Variants in KDM1A observed in about 807,000 individuals in gnomAD.
The protein encoded by KDM1A is lysine demethylase 1A.
KDM1A carries 49 observed loss-of-function variants against 109.4 expected under a neutral mutation model. The ratio of observed to expected loss-of-function variants is 0.45; its 90% confidence interval spans 0.36 to 0.57. The LOEUF is 0.57. Among genes scored for constraint, KDM1A ranks in the 20% least tolerant of loss-of-function variants. The pLI is 0.00. For missense variants in KDM1A, 668 were observed against 1,116.6 expected (o/e 0.60, Z 5.73); for synonymous variants, 380 against 415.4 (o/e 0.91, Z 1.04).
At chr1:23,044,968 T>C (rs1301201610) in intron 3 of KDM1A, among the ~76,000 whole-genome samples, 1 of 152,338 alleles carries the variant, frequency 6.6e-6, no homozygotes, top group Admixed American at 6.5e-5. Flanking sequence ...GGTACCTTTT[T>C]TCAGTTAACA....
In KDM1A at chr1:23,042,598, G is replaced by A. The variant is rs1313083220; in HGVS notation, c.518-1829G>A. On this transcript the variant is annotated intron_variant, in intron 2 of 20. Transcript: ENST00000400181. Reference sequence around the variant, plus strand: ...CTCCGAAGTAGCTGGGACTACAGGCGCCCGCCACTACTCCCGGCTAATTTT... The same window carrying A: ...CTCCGAAGTAGCTGGGACTACAGGCACCCGCCACTACTCCCGGCTAATTTT... Among the ~76,000 whole-genome samples, 62 of 148,808 alleles carry A rather than the reference G, an allele frequency of 4.2e-4. 1 individual carries two copies. The highest frequency in any genetic ancestry group is 8.2e-4 in the Non-Finnish European group (55 of 66,824).
chr1:23,062,912 A>G (rs1025662255), intron 9 of KDM1A, among the ~76,000 whole-genome samples: 2 of 152,262 alleles, frequency 1.3e-5, no homozygotes, highest in African/African-American at 4.8e-5. Context: ...CCTTCAGTTG[A>G]TTGGTGATGG....
intron 7 of KDM1A, among the ~76,000 whole-genome samples, chr1:23,056,263 G>A (rs144198310): frequency 1.4e-4 from 21 of 151,826 alleles, no homozygotes; most frequent in African/African-American, 4.6e-4. Context: ...TTCTTTTCCT[G>A]ACTGATATTT....
chr1:23,072,645 C>T (rs775710209), intron 14 of KDM1A, among the ~76,000 whole-genome samples: 1 of 152,064 alleles, frequency 6.6e-6, no homozygotes, highest in Non-Finnish European at 1.5e-5. Context: ...AAGAATGCTA[C>T]CCACCCTTTC....
chr1:23,036,422 A>AT, intron 2 of KDM1A, among the ~76,000 whole-genome samples: 1 of 151,288 alleles, frequency 6.6e-6, no homozygotes, highest in Middle Eastern at 3.4e-3. Flanking sequence ...GAAAATAGGC[A>AT]TAGGGTTAGT....
At chr1:23,025,959 C>G (rs1356643276) in intron 1 of KDM1A, among the ~76,000 whole-genome samples, 1 of 152,060 alleles carries the variant, frequency 6.6e-6, no homozygotes, top group East Asian at 1.9e-4. Flanking sequence ...TGTGTGGTGG[C>G]ATGCGCCTGT....
At chr1:23,026,388 C>CTGTT (rs80254954) in intron 1 of KDM1A, among the ~76,000 whole-genome samples, 1,514 of 51,398 alleles carry the variant, frequency 0.029, 13 homozygotes, top group Non-Finnish European at 0.041. Flanking sequence ...TTTTGTTTGT[C>CTGTT]TGTTTGTTTT....
intron 19 of KDM1A, 37 bp from the exon 20 acceptor site, chr1:23,082,183 G>A (rs1344534356): frequency 6.2e-7 from 1 of 1,606,008 alleles, no homozygotes; most frequent in African/African-American, 1.3e-5. Flanking sequence ...TGTGCTTGGT[G>A]TCTCGTAATG....
chr1:23,042,741 C>T (rs1177020595), intron 2 of KDM1A, among the ~76,000 whole-genome samples: 22 of 143,546 alleles, frequency 1.5e-4, no homozygotes, highest in Admixed American at 8.3e-4. Context: ...CGTGAGCCAC[C>T]GCGCCCGGCC....
intron 9 of KDM1A, 56 bp from the exon 10 acceptor site, chr1:23,066,004 T>G (rs1222895724): frequency 2.0e-5 from 32 of 1,599,202 alleles, no homozygotes; most frequent in Non-Finnish European, 2.7e-5. Context: ...AAACTTGATG[T>G]GGCTGTTGGG....
intron 15 of KDM1A, among the ~76,000 whole-genome samples, chr1:23,076,684 A>G (rs1022313405): frequency 4.6e-5 from 7 of 152,172 alleles, no homozygotes. Context: ...AAAACTATCC[A>G]GGGAAGGCCG....
rs1268362570 is a variant in KDM1A at position 23,082,382 on chromosome 1, A to G, written c.2445+16A>G. The G allele has an allele frequency of 6.2e-7, 1 of 1,605,502 alleles. No homozygotes were observed. The highest frequency in any genetic ancestry group is 8.5e-7 in the Non-Finnish European group (1 of 1,175,850). On this transcript the variant is annotated intron_variant, in intron 20 of 20. Transcript: ENST00000400181. The stretch of plus-strand genomic sequence containing the variant: ...TGCCCCACAGGTGAGAAGCTGGCAA[A>G]CTATCTGGGCTTATTTGGGAAGAGG...
intron 3 of KDM1A, among the ~76,000 whole-genome samples, chr1:23,046,092 T>A (rs1457923258): frequency 6.6e-6 from 1 of 152,126 alleles, no homozygotes; most frequent in Non-Finnish European, 1.5e-5. Flanking sequence ...AAACAGTATT[T>A]TATCTCCCTT....
chr1:23,019,981 C>A (rs1252641656), intron 1 of KDM1A, 34 bp downstream of exon 1: 1 of 1,456,802 alleles, frequency 6.9e-7, no homozygotes, highest in South Asian at 1.4e-5. Flanking sequence ...ACGACACCGC[C>A]TGGTGCCGAG....
intron 2 of KDM1A, among the ~76,000 whole-genome samples, chr1:23,043,445 T>A (rs1642410051): frequency 6.6e-6 from 1 of 152,258 alleles, no homozygotes; most frequent in African/African-American, 2.4e-5. Context: ...ACTCAAATGG[T>A]GGAATAATCA....
chr1:23,071,090 A>C (rs1643305892), intron 12 of KDM1A, 135 bp from the exon 13 acceptor site: 3 of 661,380 alleles, frequency 4.5e-6, no homozygotes, highest in Non-Finnish European at 7.8e-6. Flanking sequence ...CAAGTACTTA[A>C]GAATTCTCAG....
intron 1 of KDM1A, 116 bp downstream of exon 1, chr1:23,020,063 T>A: frequency 6.2e-6 from 7 of 1,121,536 alleles, no homozygotes; most frequent in Non-Finnish European, 8.2e-6. Flanking sequence ...AGACCTCCCC[T>A]TGTATCGCTG....
intron 2 of KDM1A, among the ~76,000 whole-genome samples, chr1:23,034,115 G>A (rs1352872532): frequency 1.3e-5 from 2 of 152,096 alleles, no homozygotes. Flanking sequence ...ATGTGATATT[G>A]TAGTCCTATG....
intron 2 of KDM1A, among the ~76,000 whole-genome samples, chr1:23,033,891 G>T (rs1036362266): frequency 1.3e-5 from 2 of 152,216 alleles, no homozygotes; most frequent in Admixed American, 6.5e-5. Context: ...CCAATCTCAT[G>T]CTAAGCGTGA....
Sources: gnomAD v4.1 joint callset for allele counts (sites outside exome capture counted in the v4.1 genomes callset) on GRCh38, gnomAD v4.1.1 for gene constraint, MANE v1.5 for transcripts, NCBI Gene and HGNC (gene_info 2026-07-23, HGNC 2026-07-21) for gene names.